The following ANKRD50 variants were observed in gnomAD, a reference collection of about 807,000 sequenced individuals.
The protein encoded by ANKRD50 is ankyrin repeat domain 50, also known as ankyrin repeat domain-containing protein 50.
ANKRD50 carries 40 observed loss-of-function variants against 112.0 expected under a neutral mutation model. The observed-to-expected ratio is 0.36, with a 90% CI of 0.28 to 0.46. ANKRD50 has a LOEUF of 0.46. Ranked by LOEUF, ANKRD50 falls within the 20% of genes least tolerant of loss-of-function variation. ANKRD50 has a pLI of 1.00. For synonymous variants in ANKRD50, 613 were observed against 619.1 expected (o/e 0.99, Z 0.15); for missense variants, 1,487 against 1,701.7 (o/e 0.87, Z 2.22).
intron 2 of ANKRD50, among the ~76,000 whole-genome samples, chr4:124,686,675 T>C (rs932697362): frequency 6.6e-6 from 1 of 152,080 alleles, no homozygotes; most frequent in Non-Finnish European, 1.5e-5. Context: ...TATAATATAA[T>C]CTTAATCAGA....
Position 124,669,295 on chromosome 4 carries a change from A to G in ANKRD50, c.3982T>C (p.Cys1328Arg). The change falls in exon 4 of 5, where the codon TGC becomes CGC. Residue 1328 changes from cysteine to arginine, a missense_variant. Physicochemically the swap from Cys to Arg is radical, Grantham distance 180. This residue lies in a region of ANKRD50 where 441 missense variants were observed against 432.2 expected (regional missense o/e 1.02). Transcript: ENST00000504087. ...TGAGCTGAAGGTATCATAATTTTGCATTGAGATTCTGCTGGCATTTGTTTA... is the reference window on the plus strand; with the variant it reads ...TGAGCTGAAGGTATCATAATTTTGCGTTGAGATTCTGCTGGCATTTGTTTA... The part of the protein sequence containing the change: ...PPKQMPAESQ[C>R]KIMIPSAQQE... The G allele has an allele frequency of 1.2e-6, 2 of 1,613,746 alleles. No individual in the cohort carries two copies. Among genetic ancestry groups the G allele is most frequent in the Non-Finnish European group, 1.7e-6 (2 of 1,179,818 alleles).
intron 2 of ANKRD50, among the ~76,000 whole-genome samples, chr4:124,686,339 G>A (rs1369669751): frequency 2.0e-5 from 3 of 152,134 alleles, no homozygotes; most frequent in African/African-American, 7.2e-5. Flanking sequence ...CAAGCTGGAG[G>A]GAGAAAAATT....
chr4:124,707,316 T>A (rs536057253), intron 2 of ANKRD50, among the ~76,000 whole-genome samples: 1 of 152,164 alleles, frequency 6.6e-6, no homozygotes, highest in African/African-American at 2.4e-5. Context: ...CCTATTAAAA[T>A]TCTCTAAAGG....
In ANKRD50 at chr4:124,671,225, T is replaced by C; in HGVS notation, c.2052A>G (p.Ala684=). 2 of 1,613,926 alleles carry C rather than the reference T, an allele frequency of 1.2e-6. No homozygotes were observed. ...CAATCTCTCTATGTCCCATGTATGC[T>C]GCTGCTATCAAAGCAGTTCTACCTT... ...DNEGRTALIA[A]AYMGHREIVE... Residue 684 remains alanine (A), a synonymous_variant, in exon 4 of 5, where the codon GCA becomes GCG. Coordinates refer to ENST00000504087, the MANE Select transcript of ANKRD50 (RefSeq NM_020337.3).
rs766077010 is a variant in ANKRD50, at chr4:124,678,924, T to G, written c.513-19A>C. On this transcript the variant is annotated intron_variant, in intron 2 of 4. Transcript: ENST00000504087. ...AACACACCTGTAAAACACATACACA[T>G]GAGCATTTTGAATGTTAAGTGGCTA... 6.6e-7 allele frequency: 1 copy of G among 1,524,010 alleles called. No homozygotes were observed. The highest frequency in any genetic ancestry group is 1.7e-5 in the Admixed American group (1 of 57,502). The allele number at this position is 1,524,010 out of a possible 1,614,324, so 94.4% of individuals were successfully genotyped here.
Position 124,670,940 on chromosome 4 carries a change from G to C in ANKRD50, c.2337C>G (p.Asn779Lys), listed in dbSNP as rs1442932318. ...CTGCTAAGAGGGGTGTACGGCCATT[G>C]TTATCTGTGTGATCTACATCTGCTC... is the stretch of plus-strand genomic sequence containing the variant. ...EGGADVDHTD[N>K]NGRTPLLAAA... The change falls in exon 4 of 5, where the codon AAC becomes AAG. Residue 779 changes from asparagine (N) to lysine (K), a missense_variant. Transcript: ENST00000504087. The C allele has an allele frequency of 6.2e-7, 1 of 1,613,854 alleles. No individual in the cohort carries two copies. The highest frequency in any genetic ancestry group is 2.2e-5 in the East Asian group (1 of 44,838).
rs759373215 is a variant in ANKRD50 at position 124,671,965 on chromosome 4, T to C, written c.1312A>G (p.Met438Val). 10 of 1,613,934 alleles carry C rather than the reference T, an allele frequency of 6.2e-6. No homozygotes were observed. In the South Asian group the frequency reaches 7.7e-5, roughly 12 times the overall value. ...TTCTTGGCTTGACAGGTATAACTCA[T>C]AGCCAACATTCTGTGTCCTTCTGCT... Reference protein sequence around the residue: ...NAAEGHRMLAMSYTCQAKNLT... With the variant: ...NAAEGHRMLAVSYTCQAKNLT... The change falls in exon 4 of 5, where the codon ATG becomes GTG. Residue 438 changes from methionine (M) to valine (V), a missense_variant. Physicochemically the swap from Met to Val is conservative, Grantham distance 21 (BLOSUM62 1). Coordinates refer to ENST00000504087, the MANE Select transcript of ANKRD50 (RefSeq NM_020337.3).
At position 124,664,387 on chromosome 4, in the gene ANKRD50, TATTTAAGATA is replaced by T. The variant is rs1730442163; in HGVS notation, c.*3121_*3130del. 6.6e-6 allele frequency: 1 copy of T among 152,176 alleles called. No individual in the cohort carries two copies. 9.4% of individuals were successfully genotyped at this position (152,176 alleles called of 1,614,324 possible). Reference sequence around the variant, plus strand: ...TTTCCAAATTCATTTGCTCAGGATTTATTTAAGATAATAACTTAAAACAACTAACAGTTGT... The same window carrying T: ...TTTCCAAATTCATTTGCTCAGGATTTATAACTTAAAACAACTAACAGTTGT... On this transcript the variant is annotated 3_prime_UTR_variant, in exon 5 of 5. Transcript: ENST00000504087.
rs1730670820 is a variant in ANKRD50 at position 124,672,069 on chromosome 4, G to T, written c.1208C>A (p.Thr403Lys). ...AAAACTATAATGAAACAGTATTTTT[G>T]TATTTCCTAGTCCATCAACAAGAAG... ...SKLLVDGLGNTKILFHYSFAE... is the reference protein window; with the variant it reads ...SKLLVDGLGNKKILFHYSFAE... The change falls in exon 4 of 5, where the codon ACA (threonine) becomes AAA (lysine). Residue 403 changes from threonine to lysine, a missense_variant. This residue lies in a region of ANKRD50 where 1,046 missense variants were observed against 1,269.5 expected (regional missense o/e 0.82). Coordinates refer to ENST00000504087, the MANE Select transcript of ANKRD50 (RefSeq NM_020337.3). 1.2e-6 allele frequency: 2 copies of T among 1,613,856 alleles called. No individual in the cohort carries two copies. The highest frequency in any genetic ancestry group is 1.7e-6 in the Non-Finnish European group (2 of 1,179,854).
At chr4:124,707,944 G>A (rs1725542371) in intron 2 of ANKRD50, among the ~76,000 whole-genome samples, 1 of 152,042 alleles carries the variant, frequency 6.6e-6, no homozygotes, top group Non-Finnish European at 1.5e-5. Flanking sequence ...ACAGTAATCA[G>A]ACATGATTTT....
chr4:124,678,889 G>A lies in ANKRD50; in HGVS notation c.529C>T (p.Leu177Phe), dbSNP rs1724807926. 1.9e-6 allele frequency: 3 copies of A among 1,611,990 alleles called. No homozygotes were observed. The highest frequency in any genetic ancestry group is 2.5e-6 in the Non-Finnish European group (3 of 1,178,192). Residue 177 changes from leucine to phenylalanine, a missense_variant, in exon 3 of 5, where the codon CTT becomes TTT. Leu to Phe is a conservative substitution (Grantham distance 22). Around this residue, in one of 2 missense-constraint regions of ANKRD50, gnomAD observed 1,046 missense variants for 1,269.5 expected, o/e 0.82. Transcript: ENST00000504087. ...TGCTGGGGAGGCTTCATTCCCAGAA[G>A]AGGGAGTAGAACACACCTGTAAAAC... ...EAFKRCVLLPLLGMKPPQQSL... is the reference protein window; with the variant it reads ...EAFKRCVLLPFLGMKPPQQSL...
At chr4:124,706,644 A>G (rs1249943563) in intron 2 of ANKRD50, among the ~76,000 whole-genome samples, 1 of 152,096 alleles carries the variant, frequency 6.6e-6, no homozygotes, top group East Asian at 1.9e-4. Flanking sequence ...AACTTTCTAT[A>G]ACTATTAAAA....
In ANKRD50 at chr4:124,669,089, T is replaced by C. The variant is rs752299201; in HGVS notation, c.4188A>G (p.Gly1396=). Reference sequence around the variant, plus strand: ...TTAATTCTGTCTCTGAGGAAGGGTATCCCTCCAACACTTCCTGATGCCCTC... The same window carrying C: ...TTAATTCTGTCTCTGAGGAAGGGTACCCCTCCAACACTTCCTGATGCCCTC... The part of the protein sequence containing the change: ...QDRGHQEVLE[G]YPSSETELSL... The change falls in exon 4 of 5, where the codon GGA becomes GGG. Residue 1396 remains glycine (G), a synonymous_variant. Transcript: ENST00000504087. 1.2e-6 allele frequency: 2 copies of C among 1,613,408 alleles called. No individual in the cohort carries two copies. Among genetic ancestry groups the C allele is most frequent in the Non-Finnish European group, 1.7e-6 (2 of 1,179,680 alleles).
At chr4:124,689,816 T>C (rs1412570520) in intron 2 of ANKRD50, among the ~76,000 whole-genome samples, 2 of 152,200 alleles carry the variant, frequency 1.3e-5, no homozygotes, top group Non-Finnish European at 2.9e-5. Flanking sequence ...ACAATAAATC[T>C]CTTTTAATAC....
Position 124,711,132 on chromosome 4 carries a change from G to A in ANKRD50, c.-621C>T. On this transcript the variant is annotated 5_prime_UTR_variant, in exon 2 of 5. Transcript: ENST00000504087. ...GTTTCAGATTATAGTCTCTTATGTG[G>A]CAGAAATGACAACCACTGTTAACAC... is the stretch of plus-strand genomic sequence containing the variant. The A allele has an allele frequency of 5.3e-6, 1 of 189,414 alleles. No individual in the cohort carries two copies. The highest frequency in any genetic ancestry group is 2.3e-5 in the African/African-American group (1 of 43,204). The allele number at this position is 189,414 out of a possible 1,614,324, so 11.7% of individuals were successfully genotyped here.
intron 2 of ANKRD50, among the ~76,000 whole-genome samples, chr4:124,692,405 G>A (rs1725158360): frequency 6.6e-6 from 1 of 152,014 alleles, no homozygotes. Flanking sequence ...TGGTTGGGGG[G>A]ATATAATGCA....
intron 2 of ANKRD50, among the ~76,000 whole-genome samples, chr4:124,688,927 C>T (rs1293853735): frequency 1.3e-5 from 2 of 152,172 alleles, no homozygotes; most frequent in Non-Finnish European, 2.9e-5. Context: ...CACCACTCCT[C>T]ACTTCAAGGT....
chr4:124,672,872 C>G (rs1045838449), intron 3 of ANKRD50, among the ~76,000 whole-genome samples: 1 of 151,892 alleles, frequency 6.6e-6, no homozygotes. Context: ...TCTGAACTCC[C>G]AAGTGATTGG....
chr4:124,699,257 A>C (rs200692861), intron 2 of ANKRD50, among the ~76,000 whole-genome samples: 2,084 of 50,842 alleles, frequency 0.041, 47 homozygotes, highest in African/African-American at 0.13. Context: ...CAGATATGAT[A>C]AAAAAAAAAA....
Sources: allele counts gnomAD v4.1 joint callset (sites outside exome capture counted in the v4.1 genomes callset), GRCh38; gene constraint gnomAD v4.1.1; regional missense constraint gnomAD v4.1.1; transcripts MANE v1.5; gene names NCBI Gene and HGNC (gene_info 2026-07-23, HGNC 2026-07-21).